The following CFAP107 variants were observed in gnomAD, a reference collection of about 807,000 sequenced individuals.
The protein encoded by CFAP107 is cilia and flagella associated protein 107, also known as cilia- and flagella-associated protein 107.
chr1:12,759,554 A>C, the CFAP107 span: 49 of 1,570,960 alleles, frequency 3.1e-5, no homozygotes, highest in East Asian at 9.0e-5. Context: ...ACGGAGCTGT[A>C]CCTGCCTCAT....
At chr1:12,754,010 GA>G in the CFAP107 span, 1 of 151,934 alleles carries the variant, frequency 6.6e-6, no homozygotes, top group South Asian at 2.1e-4. Flanking sequence ...GGCAACACAA[GA>G]AAAAAATAAT....
At chr1:12,753,697 A>G in the CFAP107 span, 3 of 152,164 alleles carry the variant, frequency 2.0e-5, no homozygotes, top group South Asian at 6.2e-4. Context: ...ACCCTTCCCT[A>G]ATTCCATATA....
chr1:12,755,745 G>T, the CFAP107 span: 1 of 1,613,948 alleles, frequency 6.2e-7, no homozygotes, highest in Non-Finnish European at 8.5e-7. Flanking sequence ...TTACAGAAAA[G>T]AATACATCCC....
chr1:12,748,234 G>A, the CFAP107 span, among the ~76,000 whole-genome samples: 1 of 152,198 alleles, frequency 6.6e-6, no homozygotes, highest in East Asian at 1.9e-4. Context: ...TTGGAGCTCA[G>A]ATGGGAAAAG....
At chr1:12,759,465 G>T in the CFAP107 span, 1 of 1,614,164 alleles carries the variant, frequency 6.2e-7, no homozygotes. Flanking sequence ...GGCTGCCAGA[G>T]AAGTCTGACT....
chr1:12,747,647 T>C, the CFAP107 span, among the ~76,000 whole-genome samples: 1 of 152,198 alleles, frequency 6.6e-6, no homozygotes, highest in Non-Finnish European at 1.5e-5. Context: ...GCTGTTTTCC[T>C]GGAGAACATT....
chr1:12,746,610 A>C, the CFAP107 span: 1 of 1,154,564 alleles, frequency 8.7e-7, no homozygotes, highest in Non-Finnish European at 1.3e-6. Context: ...AGTGAAGTTC[A>C]TCACTATTTT....
the CFAP107 span, among the ~76,000 whole-genome samples, chr1:12,747,994 G>A: frequency 7.9e-5 from 12 of 152,228 alleles, no homozygotes; most frequent in South Asian, 6.2e-4. Flanking sequence ...GATATATAGC[G>A]ACAAATCAAA....
chr1:12,751,706 T>C, the CFAP107 span, among the ~76,000 whole-genome samples: 8 of 152,094 alleles, frequency 5.3e-5, no homozygotes, highest in Non-Finnish European at 8.8e-5. Flanking sequence ...TGATTATCTA[T>C]ATTGACTAAC....
chr1:12,753,392 C>T, the CFAP107 span: 3 of 149,846 alleles, frequency 2.0e-5, no homozygotes, highest in African/African-American at 4.9e-5. Context: ...TATAAAATCT[C>T]AAGAGACTCC....
the CFAP107 span, chr1:12,759,744 G>C: frequency 1.8e-6 from 1 of 555,454 alleles, no homozygotes; most frequent in Non-Finnish European, 3.3e-6. Flanking sequence ...AGCACAGGTG[G>C]CAGGGAGCAA....
At chr1:12,751,196 G>A in the CFAP107 span, among the ~76,000 whole-genome samples, 8,008 of 151,682 alleles carry the variant, frequency 0.053, 680 homozygotes, top group African/African-American at 0.18. Flanking sequence ...TCTCAAATTA[G>A]AAACCTAGCT....
the CFAP107 span, chr1:12,759,250 C>A: frequency 1.3e-6 from 2 of 1,579,230 alleles, no homozygotes; most frequent in Non-Finnish European, 1.7e-6. Context: ...CTGTCTCCAC[C>A]ATGGCCAGGT....
the CFAP107 span, among the ~76,000 whole-genome samples, chr1:12,748,543 G>A: frequency 5.3e-5 from 8 of 151,276 alleles, no homozygotes; most frequent in African/African-American, 1.5e-4. Context: ...AAGCCTTCAT[G>A]TTGGGCTGAC....
chr1:12,755,939 T>A, the CFAP107 span: 1 of 641,402 alleles, frequency 1.6e-6, no homozygotes, highest in South Asian at 2.0e-5. Context: ...ATTAATACCC[T>A]CCCAGCCCGG....
the CFAP107 span, among the ~76,000 whole-genome samples, chr1:12,758,394 AC>A: frequency 6.6e-6 from 1 of 152,026 alleles, no homozygotes; most frequent in Admixed American, 6.6e-5. Flanking sequence ...TTGATGGGAA[AC>A]CCTCCAAGTC....
chr1:12,756,541 A>C, the CFAP107 span, among the ~76,000 whole-genome samples: 1 of 152,152 alleles, frequency 6.6e-6, no homozygotes, highest in Non-Finnish European at 1.5e-5. Context: ...GTGCTCACCC[A>C]CTGGGTGTGC....
the CFAP107 span, chr1:12,746,479 C>T: frequency 6.2e-7 from 1 of 1,613,682 alleles, no homozygotes. Context: ...TCCGAGCTGG[C>T]AGATTGAGAC....
chr1:12,754,570 T>C, the CFAP107 span, among the ~76,000 whole-genome samples: 2 of 152,220 alleles, frequency 1.3e-5, no homozygotes, highest in African/African-American at 4.8e-5. Flanking sequence ...ACATTAATAG[T>C]AACTATTCAC....
Sources: allele counts gnomAD v4.1 joint callset (sites outside exome capture counted in the v4.1 genomes callset), GRCh38; gene constraint gnomAD v4.1.1; transcripts MANE v1.5; gene names NCBI Gene and HGNC (gene_info 2026-07-23, HGNC 2026-07-21).